The following ZNF398 variants were observed in gnomAD, a reference collection of about 807,000 sequenced individuals.
ZNF398 encodes zinc finger DNA binding protein ZER6.
A neutral mutation model predicts 41.9 loss-of-function variants in ZNF398; 18 were observed. The ratio of observed to expected loss-of-function variants is 0.43; its 90% CI spans 0.30 to 0.64. ZNF398 has a LOEUF of 0.64. ZNF398 is among the 30% of genes least tolerant of loss of function. The pLI is 0.14. For missense variants in ZNF398, 669 were observed against 822.8 expected, an observed-to-expected ratio of 0.81 and a Z score of 2.29; for synonymous variants, 260 against 308.8, an observed-to-expected ratio of 0.84 and a Z score of 1.66.
In ZNF398 at chr7:149,181,911, T is replaced by C. The variant is rs1455029325; in HGVS notation, c.*2110T>C. On this transcript the variant is annotated 3_prime_UTR_variant, in exon 6 of 6. Transcript: ENST00000475153. ...ACTTGAATGTGAGATTCAGCTCTAGTTTGCACCTTGATTTCCCCAGTGAAA... is the reference window on the plus strand; with the variant it reads ...ACTTGAATGTGAGATTCAGCTCTAGCTTGCACCTTGATTTCCCCAGTGAAA... 6.6e-6 allele frequency: 1 copy of C among 152,184 alleles called. No homozygotes were observed. Among genetic ancestry groups the C allele is most frequent in the African/African-American group, 2.4e-5 (1 of 41,446 alleles). The allele number at this position is 152,184 out of a possible 1,614,324, so 9.4% of individuals were successfully genotyped here.
intron 2 of ZNF398, among the ~76,000 whole-genome samples, chr7:149,157,935 C>T (rs997328688): frequency 6.6e-6 from 1 of 150,930 alleles, no homozygotes; most frequent in African/African-American, 2.4e-5. Context: ...CGCCGTGGCT[C>T]ATGGTGGCAG....
intron 1 of ZNF398, among the ~76,000 whole-genome samples, chr7:149,149,027 C>G (rs1198075715): frequency 6.6e-6 from 1 of 151,634 alleles, no homozygotes; most frequent in Non-Finnish European, 1.5e-5. Flanking sequence ...AAAAGCCAGG[C>G]GCTGTGTTGT....
Position 149,154,387 on chromosome 7 carries a change from A to G in ZNF398, c.420+47A>G, listed in dbSNP as rs777633736. The G allele has an allele frequency of 4.6e-6, 7 of 1,522,346 alleles. No individual in the cohort carries two copies. The East Asian group carries it at 1.6e-4, about 35-fold the overall frequency. The allele number at this position is 1,522,346 out of a possible 1,614,324, so 94.3% of individuals were successfully genotyped here. On this transcript the variant is annotated intron_variant, in intron 2 of 5. Transcript: ENST00000475153. ...GTAAAGTGGTACCACTAGAACTTACATTAGTAGTAGTCTTGGTCATTCAGT... is the reference window on the plus strand; with the variant it reads ...GTAAAGTGGTACCACTAGAACTTACGTTAGTAGTAGTCTTGGTCATTCAGT...
intron 1 of ZNF398, among the ~76,000 whole-genome samples, chr7:149,152,409 C>T (rs1487955330): frequency 2.0e-5 from 3 of 151,104 alleles, no homozygotes; most frequent in African/African-American, 7.3e-5. Flanking sequence ...TACAGGCGCC[C>T]GCCACCACGC....
chr7:149,147,763 C>A lies in ZNF398; in HGVS notation c.21C>A (p.Ala7=), dbSNP rs374710507. 2.9e-6 allele frequency: 4 copies of A among 1,390,350 alleles called. No homozygotes were observed. Among genetic ancestry groups the A allele is most frequent in the Non-Finnish European group, 3.7e-6 (4 of 1,070,764 alleles). The allele number at this position is 1,390,350 out of a possible 1,614,324, so 86.1% of individuals were successfully genotyped here. Residue 7 remains alanine, a synonymous_variant, in exon 1 of 6, where the codon GCC becomes GCA. Coordinates refer to ENST00000475153, the MANE Select transcript of ZNF398 (RefSeq NM_170686.3). The surrounding 1 kb of genome is among the most constrained non-coding windows in gnomAD (Gnocchi z 5.6). ...GGGCCATGGCTGAGGCGGCCCCGGC[C>A]CCGGTAAGGGCGGCCGCGCGCGAGT... is the stretch of plus-strand genomic sequence containing the variant. MAEAAP[A]PTSEWDSECL...
intron 4 of ZNF398, among the ~76,000 whole-genome samples, chr7:149,167,328 G>T (rs1236937664): frequency 6.6e-6 from 1 of 152,190 alleles, no homozygotes; most frequent in Non-Finnish European, 1.5e-5. Context: ...CATGGAACCA[G>T]TAGACACTGA....
intron 2 of ZNF398, among the ~76,000 whole-genome samples, chr7:149,157,658 T>C (rs1795010868): frequency 6.7e-6 from 1 of 149,782 alleles, no homozygotes; most frequent in East Asian, 2.0e-4. Context: ...GCCAACATGG[T>C]GAAATCCCGT....
intron 2 of ZNF398, among the ~76,000 whole-genome samples, chr7:149,156,827 C>CT (rs1794990838): frequency 6.7e-6 from 1 of 149,072 alleles, no homozygotes; most frequent in African/African-American, 2.5e-5. Context: ...TACCACTGAA[C>CT]TCCAGCCTGG....
At chr7:149,156,021 C>T (rs754653861) in intron 2 of ZNF398, among the ~76,000 whole-genome samples, 3 of 151,880 alleles carry the variant, frequency 2.0e-5, no homozygotes, top group South Asian at 2.1e-4. Flanking sequence ...CCACCGCGCC[C>T]GGCCAGTTTT....
At chr7:149,176,880 T>A (rs1224628442) in intron 5 of ZNF398, among the ~76,000 whole-genome samples, 1 of 152,002 alleles carries the variant, frequency 6.6e-6, no homozygotes, top group African/African-American at 2.4e-5. Context: ...TTGAAAATCA[T>A]GTAGAAAGGG....
intron 4 of ZNF398, among the ~76,000 whole-genome samples, chr7:149,175,042 G>A (rs1795433402): frequency 6.6e-6 from 1 of 152,128 alleles, no homozygotes; most frequent in Admixed American, 6.5e-5. Context: ...CAGGAGGTTG[G>A]CAAGGCAACT....
At chr7:149,160,229 G>C (rs1275184225) in intron 2 of ZNF398, among the ~76,000 whole-genome samples, 1 of 152,104 alleles carries the variant, frequency 6.6e-6, no homozygotes, top group African/African-American at 2.4e-5. Flanking sequence ...ACAAGGTCAG[G>C]AGATCGAGAC....
intron 1 of ZNF398, among the ~76,000 whole-genome samples, chr7:149,128,427 A>T (rs1348662492): frequency 6.6e-6 from 1 of 152,040 alleles, no homozygotes; most frequent in Non-Finnish European, 1.5e-5. Context: ...GATGGCAAAA[A>T]TTTCCTATTT....
intron 2 of ZNF398, among the ~76,000 whole-genome samples, chr7:149,156,417 G>A (rs541561750): frequency 1.4e-5 from 2 of 144,056 alleles, no homozygotes; most frequent in Non-Finnish European, 3.0e-5. Context: ...TGAGGCAGGA[G>A]AATCGCTTGA....
chr7:149,158,820 C>T (rs531033421), intron 2 of ZNF398, among the ~76,000 whole-genome samples: 178 of 125,206 alleles, frequency 1.4e-3, no homozygotes, highest in African/African-American at 4.8e-3. Flanking sequence ...GGTGACAGAG[C>T]GAAACACCGT....
intron 2 of ZNF398, among the ~76,000 whole-genome samples, chr7:149,158,431 G>A (rs757163278): frequency 6.6e-5 from 10 of 152,192 alleles, no homozygotes; most frequent in Admixed American, 5.9e-4. Context: ...GTGGAGATGA[G>A]GAAGTACCTG....
chr7:149,155,424 A>G (rs1479305672), intron 2 of ZNF398, among the ~76,000 whole-genome samples: 2 of 152,074 alleles, frequency 1.3e-5, no homozygotes, highest in African/African-American at 4.8e-5. Flanking sequence ...CGTCTCCAAC[A>G]ACGACAAAAA....
intron 4 of ZNF398, among the ~76,000 whole-genome samples, chr7:149,171,438 C>T (rs1185575539): frequency 1.3e-5 from 2 of 150,942 alleles, no homozygotes; most frequent in African/African-American, 4.9e-5. Flanking sequence ...GCGCAGTCTC[C>T]GCTCACTGCA....
intron 4 of ZNF398, among the ~76,000 whole-genome samples, chr7:149,169,822 T>G (rs754967713): frequency 1.2e-4 from 19 of 152,098 alleles, no homozygotes; most frequent in Non-Finnish European, 2.5e-4. Context: ...ACTCCCAGAT[T>G]TCGTGATCTG....
Sources: allele counts gnomAD v4.1 joint callset (sites outside exome capture counted in the v4.1 genomes callset), GRCh38; gene constraint gnomAD v4.1.1; non-coding constraint Gnocchi (gnomAD v3.1); transcripts MANE v1.5; gene names NCBI Gene and HGNC (gene_info 2026-07-23, HGNC 2026-07-21).